The following BRD1 variants were observed in gnomAD, a reference collection of about 807,000 sequenced individuals.
BRD1 encodes the protein bromodomain containing 1.
BRD1 carries 24 observed loss-of-function variants against 107.7 expected under a neutral mutation model. That is an observed-to-expected ratio of 0.22 (90% CI 0.16 to 0.31). The LOEUF is 0.31. BRD1 is among the 10% of genes least tolerant of loss of function. The pLI is 1.00. For missense variants in BRD1, 1,279 were observed against 1,638.6 expected (o/e 0.78, Z 3.79); for synonymous variants, 744 against 686.1 (o/e 1.08, Z -1.32).
At chr22:49,785,885 C>T (rs76925504) in intron 8 of BRD1, among the ~76,000 whole-genome samples, 2,913 of 152,236 alleles carry the variant, frequency 0.019, 85 homozygotes, top group African/African-American at 0.066. Context: ...TTTGACAGTG[C>T]CTGGTCTCAC....
intron 11 of BRD1, 21 bp downstream of exon 11, chr22:49,776,029 C>A (rs779325162): frequency 6.3e-7 from 1 of 1,595,820 alleles, no homozygotes; most frequent in African/African-American, 1.3e-5. Flanking sequence ...GACCCGCAGG[C>A]GCCACGAGAG....
intron 8 of BRD1, among the ~76,000 whole-genome samples, chr22:49,778,665 T>C (rs2059147233): frequency 6.6e-6 from 1 of 152,096 alleles, no homozygotes; most frequent in South Asian, 2.1e-4. Context: ...GTGTGTGATT[T>C]TTTTTTTCTT....
chr22:49,812,777 C>A (rs952607257), intron 2 of BRD1, among the ~76,000 whole-genome samples: 1 of 152,154 alleles, frequency 6.6e-6, no homozygotes, highest in East Asian at 1.9e-4. Context: ...GGACCTCACA[C>A]GCCAGGACCA....
intron 2 of BRD1, among the ~76,000 whole-genome samples, chr22:49,822,696 T>C (rs1032065814): frequency 1.3e-5 from 2 of 150,988 alleles, no homozygotes; most frequent in Non-Finnish European, 2.9e-5. Context: ...GGCGACAGAG[T>C]AAAACTCCGT....
intron 6 of BRD1, among the ~76,000 whole-genome samples, chr22:49,796,899 C>G (rs1210137214): frequency 6.6e-6 from 1 of 152,230 alleles, no homozygotes; most frequent in South Asian, 2.1e-4. Context: ...GGCCTCATCC[C>G]AGAAGAAGCG....
chr22:49,824,657 G>C lies in BRD1; in HGVS notation c.-14-326C>G. 4.4e-6 allele frequency: 5 copies of C among 1,140,664 alleles called. No homozygotes were observed. Among genetic ancestry groups the C allele is most frequent in the Non-Finnish European group, 4.3e-6 (4 of 923,700 alleles). 70.7% of individuals were successfully genotyped at this position (1,140,664 alleles called of 1,614,324 possible). On this transcript the variant is annotated intron_variant, in intron 1 of 12. Coordinates refer to ENST00000404760, the MANE Select transcript of BRD1 (RefSeq NM_001304808.3). The surrounding 1 kb of genome is among the most constrained non-coding windows in gnomAD (Gnocchi z 5.9). The stretch of plus-strand genomic sequence containing the variant: ...CCACAGCAACGCTCCCCAAGGAGGA[G>C]GGGTCCGGCCCAGAGCCCACAGTTG...
In BRD1 at chr22:49,827,498, T is replaced by G. The variant is rs957888737; in HGVS notation, c.-16A>C. On this transcript the variant is annotated splice_region_variant and 5_prime_UTR_variant, in exon 1 of 13. Transcript: ENST00000404760. ...CCGGCCAGGCCCCCGCCCACTCACC[T>G]TCGGGGCGCCGCGGCCGCGGGAGCC... 1 of 142,188 alleles carries G rather than the reference T, an allele frequency of 7.0e-6. No individual in the cohort carries two copies. Among genetic ancestry groups the G allele is most frequent in the Non-Finnish European group, 1.5e-5 (1 of 64,548 alleles). The allele number at this position is 142,188 out of a possible 1,614,324, so 8.8% of individuals were successfully genotyped here. A position where few individuals can be genotyped will look rare whatever the true frequency, so the allele number is the denominator to read the frequency against.
intron 10 of BRD1, among the ~76,000 whole-genome samples, chr22:49,776,456 T>C (rs1169116400): frequency 2.6e-5 from 4 of 152,192 alleles, no homozygotes; most frequent in Non-Finnish European, 5.9e-5. Context: ...TGAGCCCTCC[T>C]TGCCGCAAGG....
chr22:49,805,275 G>A (rs886616456), intron 2 of BRD1, among the ~76,000 whole-genome samples: 3 of 152,130 alleles, frequency 2.0e-5, no homozygotes, highest in South Asian at 2.1e-4. Flanking sequence ...CGCCTCTTCC[G>A]GCAGAACCTG....
intron 10 of BRD1, 87 bp downstream of exon 10, chr22:49,776,947 G>A: frequency 1.3e-6 from 2 of 1,560,130 alleles, no homozygotes; most frequent in Non-Finnish European, 1.7e-6. Flanking sequence ...CATGCTCCCT[G>A]AGCCGGAGTC....
At chr22:49,796,957 A>G (rs1285915992) in intron 6 of BRD1, among the ~76,000 whole-genome samples, 1 of 152,246 alleles carries the variant, frequency 6.6e-6, no homozygotes, top group Non-Finnish European at 1.5e-5. Context: ...AGGCCAAGAA[A>G]TCAGGGATAT....
rs369287535 is a variant in BRD1 at position 49,775,668 on chromosome 22, C to T, written c.3309G>A (p.Leu1103=). ...TGGTCTGCATGTGCTCCCCAATCTT[C>T]AGCACGTCCAGGGGTGGGGCCGGGA... ...VTIPAPPLDV[L]KIGEHMQTKS... The change falls in exon 12 of 13, where the codon CTG becomes CTA. Residue 1103 remains leucine (L), a synonymous_variant. Coordinates refer to ENST00000404760, the MANE Select transcript of BRD1 (RefSeq NM_001304808.3). 1,509 of 1,613,852 alleles carry T rather than the reference C, an allele frequency of 9.4e-4. No individual in the cohort carries two copies. Among genetic ancestry groups the T allele is most frequent in the Non-Finnish European group, 1.2e-3 (1,397 of 1,179,874 alleles).
At chr22:49,789,498 C>T (rs541849411) in intron 7 of BRD1, among the ~76,000 whole-genome samples, 5 of 150,984 alleles carry the variant, frequency 3.3e-5, no homozygotes, top group African/African-American at 7.3e-5. Context: ...CCTCCCCCCC[C>T]CGCCCCGAGC....
chr22:49,800,766 A>C (rs2059625850), intron 3 of BRD1, among the ~76,000 whole-genome samples: 1 of 152,218 alleles, frequency 6.6e-6, no homozygotes, highest in Non-Finnish European at 1.5e-5. Context: ...GATATTTCCC[A>C]TGTAAAAATC....
At chr22:49,805,741 CTTT>C (rs765174509) in intron 2 of BRD1, 22 of 134,362 alleles carry the variant, frequency 1.6e-4, no homozygotes, top group Non-Finnish European at 1.7e-4. Flanking sequence ...TTCAGTGAGT[CTTT>C]TTTTTTTTTT....
intron 2 of BRD1, among the ~76,000 whole-genome samples, chr22:49,805,251 A>C (rs533977318): frequency 2.6e-5 from 4 of 152,192 alleles, no homozygotes; most frequent in African/African-American, 7.2e-5. Flanking sequence ...TCATCCACCA[A>C]GGGAACCCAA....
rs76925057 is a variant in BRD1 at position 49,792,830 on chromosome 22, A to C, written c.2359+1204T>G. Reference sequence around the variant, plus strand: ...CTCTCATTCAAGTTGCCCAAATGTAAAACAGGATAAAAGGGGCGAAGCTCT... The same window carrying C: ...CTCTCATTCAAGTTGCCCAAATGTACAACAGGATAAAAGGGGCGAAGCTCT... On this transcript the variant is annotated intron_variant, in intron 7 of 12. Coordinates refer to ENST00000404760, the MANE Select transcript of BRD1 (RefSeq NM_001304808.3). This position sits in a 1 kb window ranked among gnomAD's most constrained non-coding sequence, Gnocchi z 4.2. Among the ~76,000 whole-genome samples the C allele has an allele frequency of 1.3e-5, 2 of 152,290 alleles. No individual in the cohort carries two copies. The highest frequency in any genetic ancestry group is 3.9e-4 in the East Asian group (2 of 5,188).
chr22:49,776,879 G>A (rs960841877), intron 10 of BRD1, among the ~76,000 whole-genome samples, 155 bp downstream of exon 10: 11 of 152,236 alleles, frequency 7.2e-5, no homozygotes, highest in African/African-American at 1.4e-4. Flanking sequence ...AGAGCCCCTC[G>A]GTGTGTGATG....
chr22:49,796,838 G>A (rs1004389185), intron 6 of BRD1, among the ~76,000 whole-genome samples: 3 of 142,070 alleles, frequency 2.1e-5, no homozygotes, highest in Non-Finnish European at 3.2e-5. Context: ...CCACGATGGC[G>A]GGAACGTGGA....
Sources: gnomAD v4.1 joint callset for allele counts (sites outside exome capture counted in the v4.1 genomes callset) on GRCh38, gnomAD v4.1.1 for gene constraint, Gnocchi (gnomAD v3.1) non-coding constraint, MANE v1.5 for transcripts, NCBI Gene and HGNC (gene_info 2026-07-23, HGNC 2026-07-21) for gene names.